TMEM178B: variants seen among roughly 807,000 people sequenced by gnomAD.
TMEM178B encodes transmembrane protein 178B.
In TMEM178B, 5 loss-of-function variants were observed where a neutral mutation model predicts 31.0. That is an observed-to-expected ratio of 0.16 (90% CI 0.08 to 0.34). TMEM178B has a LOEUF of 0.34. Ranked by LOEUF, TMEM178B falls within the 10% of genes least tolerant of loss-of-function variation. The pLI is 1.00. For missense variants in TMEM178B, 275 were observed against 400.3 expected (o/e 0.69, Z 2.67); for synonymous variants, 164 against 164.0 (o/e 1.00, Z 0.00).
intron 3 of TMEM178B, among the ~76,000 whole-genome samples, chr7:141,462,748 A>T (rs1802080844): frequency 6.6e-6 from 1 of 151,990 alleles, no homozygotes. Context: ...GGAGTGGGCA[A>T]TCTGGGCATG....
At position 141,318,655 on chromosome 7, in the gene TMEM178B, CA is replaced by C. The variant is rs934295819; in HGVS notation, c.496+105953del. 1.3e-5 allele frequency among the ~76,000 whole-genome samples: 2 copies of C among 152,152 alleles called. No individual in the cohort carries two copies. Among genetic ancestry groups the C allele is most frequent in the Admixed American group, 6.5e-5 (1 of 15,278 alleles). On this transcript the variant is annotated intron_variant, in intron 2 of 3. Coordinates refer to ENST00000565468, the MANE Select transcript of TMEM178B (RefSeq NM_001195278.2). The surrounding 1 kb of genome is among the most constrained non-coding windows in gnomAD (Gnocchi z 4.1). ...ATGCCACCCCTTCAGAAGCCTGTAC[CA>C]AGACACTTAGAATTTTGCTGCTTTA...
intron 1 of TMEM178B, among the ~76,000 whole-genome samples, chr7:141,150,621 G>T (rs767299797): frequency 6.6e-6 from 1 of 152,226 alleles, no homozygotes; most frequent in Non-Finnish European, 1.5e-5. Context: ...GTCATGGAAT[G>T]AAGCCTGGGC....
At chr7:141,086,336 T>C (rs1183376074) in intron 1 of TMEM178B, among the ~76,000 whole-genome samples, 2 of 152,214 alleles carry the variant, frequency 1.3e-5, no homozygotes, top group African/African-American at 2.4e-5. Context: ...CCTGATCCAA[T>C]TAATATTAAT....
At position 141,216,468 on chromosome 7, in the gene TMEM178B, TGTGTGTGG is replaced by T. The variant is rs763499707; in HGVS notation, c.496+3773_496+3780del. The stretch of plus-strand genomic sequence containing the variant: ...GTGTGTGCGCGCGCGCGCGCGTGTG[TGTGTGTGG>T]GTGTGTGGTGGGGAAGAAGGGTGAT... On this transcript the variant is annotated intron_variant, in intron 2 of 3. Coordinates refer to ENST00000565468, the MANE Select transcript of TMEM178B (RefSeq NM_001195278.2). Among the ~76,000 whole-genome samples the T allele has an allele frequency of 6.6e-3, 682 of 102,666 alleles. 28 individuals carry two copies. The highest frequency in any genetic ancestry group is 0.014 in the African/African-American group (488 of 34,000). The allele number at this position is 102,666 out of a possible 152,430, so 67.4% of individuals were successfully genotyped here. A position where few individuals can be genotyped will look rare whatever the true frequency, so the allele number is the denominator to read the frequency against.
rs879786551 is a variant in TMEM178B at position 141,247,118 on chromosome 7, T to TC, written c.496+34414_496+34415insC. Among the ~76,000 whole-genome samples, 911 of 152,002 alleles carry TC rather than the reference T, an allele frequency of 6.0e-3. 4 individuals are homozygous for TC. Among genetic ancestry groups the TC allele is most frequent in the Non-Finnish European group, 9.2e-3 (628 of 67,962 alleles). ...ATATGTATAAATCTTTCGCTCTCTC[T>TC]TTCTATGTATATATAGAGAGAGAAC... On this transcript the variant is annotated intron_variant, in intron 2 of 3. Transcript: ENST00000565468.
chr7:141,438,413 T>A (rs560803930), intron 3 of TMEM178B, among the ~76,000 whole-genome samples: 4 of 152,114 alleles, frequency 2.6e-5, no homozygotes, highest in Admixed American at 6.6e-5. Flanking sequence ...GTCTCTTCTT[T>A]CCCTGTAAGA....
At chr7:141,092,522 A>T (rs909036561) in intron 1 of TMEM178B, among the ~76,000 whole-genome samples, 11 of 152,200 alleles carry the variant, frequency 7.2e-5, no homozygotes, top group Admixed American at 4.6e-4. Flanking sequence ...CTTCTCCTTC[A>T]TGATGCATGG....
intron 1 of TMEM178B, among the ~76,000 whole-genome samples, chr7:141,179,481 C>T (rs978112375): frequency 2.0e-5 from 3 of 151,740 alleles, no homozygotes; most frequent in African/African-American, 7.3e-5. Context: ...CAATGTGCTG[C>T]TACTGTAATA....
intron 1 of TMEM178B, among the ~76,000 whole-genome samples, chr7:141,189,270 T>C (rs775002061): frequency 1.3e-5 from 2 of 152,166 alleles, no homozygotes; most frequent in East Asian, 1.9e-4. Context: ...ACGTGAAGCA[T>C]TGAGTGAAGG....
At chr7:141,099,129 C>A (rs1355345966) in intron 1 of TMEM178B, among the ~76,000 whole-genome samples, 2 of 152,192 alleles carry the variant, frequency 1.3e-5, no homozygotes, top group East Asian at 3.8e-4. Flanking sequence ...CAGCCTCCTC[C>A]TTCAGAATAT....
chr7:141,085,883 G>A (rs540868098), intron 1 of TMEM178B, among the ~76,000 whole-genome samples: 1 of 152,112 alleles, frequency 6.6e-6, no homozygotes, highest in South Asian at 2.1e-4. Flanking sequence ...TTATGAGCAC[G>A]TGAAGCCCAT....
chr7:141,336,446 G>C (rs958269639), intron 2 of TMEM178B, among the ~76,000 whole-genome samples: 1 of 152,038 alleles, frequency 6.6e-6, no homozygotes, highest in Admixed American at 6.5e-5. Context: ...TTGTGCCACT[G>C]TCCACTGCAT....
intron 2 of TMEM178B, among the ~76,000 whole-genome samples, chr7:141,267,148 G>A (rs1377211923): frequency 6.6e-6 from 1 of 152,216 alleles, no homozygotes; most frequent in Non-Finnish European, 1.5e-5. Context: ...AAGCTTGTTG[G>A]CCCAGGAGAA....
intron 2 of TMEM178B, among the ~76,000 whole-genome samples, chr7:141,335,825 A>C (rs1799376563): frequency 6.6e-6 from 1 of 152,026 alleles, no homozygotes; most frequent in Non-Finnish European, 1.5e-5. Flanking sequence ...TGTCCTAGGT[A>C]GTTCTGAGGC....
At chr7:141,129,735 G>A (rs1795563900) in intron 1 of TMEM178B, among the ~76,000 whole-genome samples, 1 of 152,106 alleles carries the variant, frequency 6.6e-6, no homozygotes, top group South Asian at 2.1e-4. Context: ...GGTGCCCAGG[G>A]TGGTTAAGGT....
intron 1 of TMEM178B, among the ~76,000 whole-genome samples, chr7:141,198,347 A>T (rs1268799375): frequency 6.6e-6 from 1 of 152,188 alleles, no homozygotes; most frequent in Non-Finnish European, 1.5e-5. Context: ...TCCCAAAGCC[A>T]CACCCAGAGG....
chr7:141,503,300 G>A, the TMEM178B span, among the ~76,000 whole-genome samples: 5 of 152,190 alleles, frequency 3.3e-5, no homozygotes, highest in Non-Finnish European at 7.3e-5. Flanking sequence ...TTTCAAATAA[G>A]GCTTTTCAAG....
At chr7:141,324,421 T>A (rs981206288) in intron 2 of TMEM178B, among the ~76,000 whole-genome samples, 1 of 47,104 alleles carries the variant, frequency 2.1e-5, no homozygotes, top group African/African-American at 9.3e-5. Context: ...CCAGGGTTTT[T>A]TTTTTTTTTT....
intron 2 of TMEM178B, among the ~76,000 whole-genome samples, chr7:141,238,373 C>T (rs1038067281): frequency 3.3e-5 from 5 of 152,110 alleles, no homozygotes; most frequent in Admixed American, 6.5e-5. Flanking sequence ...AGGAAAGAGA[C>T]CTTCGGGAGC....
Sources: allele counts gnomAD v4.1 joint callset (sites outside exome capture counted in the v4.1 genomes callset), GRCh38; gene constraint gnomAD v4.1.1; non-coding constraint Gnocchi (gnomAD v3.1); transcripts MANE v1.5; gene names NCBI Gene and HGNC (gene_info 2026-07-23, HGNC 2026-07-21).